GAB2: variants seen among roughly 807,000 people sequenced by gnomAD.
The protein encoded by GAB2 is GRB2 associated binding protein 2, also known as GRB2-associated-binding protein 2.
A neutral mutation model predicts 65.5 loss-of-function variants in GAB2; 26 were observed. The ratio of observed to expected loss-of-function variants is 0.40; its 90% CI spans 0.29 to 0.55. The LOEUF is 0.55. Ranked by LOEUF, GAB2 falls within the 20% of genes least tolerant of loss-of-function variation. The pLI, the probability that GAB2 is intolerant of heterozygous loss-of-function variation, is 0.53. For synonymous variants in GAB2, 321 were observed against 329.6 expected (o/e 0.97, Z 0.28); for missense variants, 884 against 875.8 (o/e 1.01, Z -0.12).
chr11:78,311,983 G>C (rs1457822758), intron 1 of GAB2, among the ~76,000 whole-genome samples: 1 of 152,128 alleles, frequency 6.6e-6, no homozygotes, highest in Non-Finnish European at 1.5e-5. Context: ...GCTGGCTGTA[G>C]TGATAGACAT....
chr11:78,290,365 T>C (rs1194356911), intron 1 of GAB2, among the ~76,000 whole-genome samples: 1 of 152,188 alleles, frequency 6.6e-6, no homozygotes, highest in Admixed American at 6.5e-5. Flanking sequence ...TTTCCTTCTG[T>C]CAGAAAACAA....
intron 1 of GAB2, among the ~76,000 whole-genome samples, chr11:78,386,352 A>T (rs1194191886): frequency 1.3e-5 from 2 of 152,168 alleles, no homozygotes; most frequent in Non-Finnish European, 2.9e-5. Context: ...ACAAGGACAG[A>T]CCTAGGGACC....
intron 1 of GAB2, among the ~76,000 whole-genome samples, chr11:78,386,545 G>A (rs957104385): frequency 1.2e-4 from 18 of 152,176 alleles, no homozygotes; most frequent in Non-Finnish European, 5.9e-5. Context: ...CTTTCAAACT[G>A]GTGCTACACT....
intron 1 of GAB2, among the ~76,000 whole-genome samples, chr11:78,334,630 C>T (rs1024094251): frequency 5.3e-5 from 8 of 152,232 alleles, no homozygotes. Flanking sequence ...ATAAGTACCA[C>T]ATTTTCTTTA....
chr11:78,242,484 AGAGC>A, intron 3 of GAB2, among the ~76,000 whole-genome samples: 1 of 151,966 alleles, frequency 6.6e-6, no homozygotes, highest in South Asian at 2.1e-4. Flanking sequence ...CCTGGGCGAC[AGAGC>A]GAGACTCCGT....
rs566264839 is a variant in GAB2, at chr11:78,235,131, T to C, written c.621-8080A>G. Among the ~76,000 whole-genome samples, 5 of 152,216 alleles carry C rather than the reference T, an allele frequency of 3.3e-5. No individual in the cohort carries two copies. In the South Asian group the frequency reaches 1.0e-3, roughly 32 times the overall value. ...ACTTATGCAAATTTCTACAGCCGGTTTGATTTTCTCCCCAGAAAATGGGTT... is the reference window on the plus strand; with the variant it reads ...ACTTATGCAAATTTCTACAGCCGGTCTGATTTTCTCCCCAGAAAATGGGTT... On this transcript the variant is annotated intron_variant, in intron 3 of 9. Coordinates refer to ENST00000361507, the MANE Select transcript of GAB2 (RefSeq NM_080491.3).
rs1864191566 is a variant in GAB2 at position 78,217,206 on chromosome 11, CTCTG to C, written c.*2062_*2065del. On this transcript the variant is annotated 3_prime_UTR_variant, in exon 10 of 10. Coordinates refer to ENST00000361507, the MANE Select transcript of GAB2 (RefSeq NM_080491.3). ...TCTGCCCTCCATCAGCATTTGAAGT[CTCTG>C]TCTGATGGCCATCACCACTGTCTCA... is the stretch of plus-strand genomic sequence containing the variant. The C allele has an allele frequency of 5.2e-5, 8 of 152,422 alleles. No individual in the cohort carries two copies. Among genetic ancestry groups the C allele is most frequent in the Admixed American group, 5.2e-4 (8 of 15,288 alleles). 9.4% of individuals were successfully genotyped at this position (152,422 alleles called of 1,614,324 possible).
intron 1 of GAB2, among the ~76,000 whole-genome samples, chr11:78,328,192 T>C (rs1328050534): frequency 6.6e-6 from 1 of 152,210 alleles, no homozygotes; most frequent in African/African-American, 2.4e-5. Flanking sequence ...GTCCACATTG[T>C]TTGATAAAAT....
At chr11:78,334,311 G>A (rs1855963515) in intron 1 of GAB2, among the ~76,000 whole-genome samples, 2 of 151,998 alleles carry the variant, frequency 1.3e-5, no homozygotes, top group African/African-American at 4.8e-5. Context: ...ATTGACTATA[G>A]TTACCCTGTT....
intron 1 of GAB2, among the ~76,000 whole-genome samples, chr11:78,368,075 C>T (rs943100797): frequency 1.3e-5 from 2 of 152,126 alleles, no homozygotes; most frequent in African/African-American, 4.8e-5. Context: ...CTCGGCCTCC[C>T]AAAGTGCTGG....
intron 1 of GAB2, among the ~76,000 whole-genome samples, chr11:78,291,340 C>G (rs1278481781): frequency 6.7e-6 from 1 of 149,568 alleles, no homozygotes; most frequent in African/African-American, 2.5e-5. Flanking sequence ...GTGGCGAGCA[C>G]CTGTAGTCCC....
intron 3 of GAB2, among the ~76,000 whole-genome samples, chr11:78,238,908 A>T (rs1405670827): frequency 6.6e-6 from 1 of 152,220 alleles, no homozygotes; most frequent in Non-Finnish European, 1.5e-5. Flanking sequence ...AAACTCCAAC[A>T]GCTCAACAAC....
intron 2 of GAB2, among the ~76,000 whole-genome samples, chr11:78,271,440 C>A (rs909223979): frequency 6.6e-6 from 1 of 152,228 alleles, no homozygotes; most frequent in African/African-American, 2.4e-5. Context: ...CCTTTTGGAA[C>A]GAGTTCTCTC....
intron 1 of GAB2, among the ~76,000 whole-genome samples, chr11:78,363,586 CT>C (rs772252348): frequency 3.4e-3 from 464 of 135,330 alleles, no homozygotes; most frequent in Middle Eastern, 4.0e-3. Flanking sequence ...AATATATTTT[CT>C]TTTTTTTTTT....
At chr11:78,290,090 C>T (rs963748781) in intron 1 of GAB2, among the ~76,000 whole-genome samples, 2 of 151,478 alleles carry the variant, frequency 1.3e-5, no homozygotes, top group East Asian at 1.9e-4. Flanking sequence ...TGGCAAAGTG[C>T]GGGAGACAAA....
At chr11:78,390,902 T>C (rs1222669919) in intron 1 of GAB2, among the ~76,000 whole-genome samples, 2 of 152,166 alleles carry the variant, frequency 1.3e-5, no homozygotes, top group African/African-American at 4.8e-5. Flanking sequence ...TTGATGAGGA[T>C]CTGGAGATCA....
chr11:78,311,472 G>T (rs1423485700), intron 1 of GAB2, among the ~76,000 whole-genome samples: 2 of 151,964 alleles, frequency 1.3e-5, no homozygotes, highest in African/African-American at 2.4e-5. Context: ...AGAAAAGGAA[G>T]AATTTTTATT....
chr11:78,356,450 T>A (rs1048463045), intron 1 of GAB2, among the ~76,000 whole-genome samples: 2 of 152,208 alleles, frequency 1.3e-5, no homozygotes, highest in African/African-American at 4.8e-5. Context: ...ACCTCAAGAA[T>A]CAAAACATGC....
intron 1 of GAB2, among the ~76,000 whole-genome samples, chr11:78,330,026 T>C (rs1341826382): frequency 6.6e-6 from 1 of 152,218 alleles, no homozygotes; most frequent in Non-Finnish European, 1.5e-5. Context: ...AAAAAGGATA[T>C]AGACGTTTGA....
Sources: allele counts gnomAD v4.1 joint callset (sites outside exome capture counted in the v4.1 genomes callset), GRCh38; gene constraint gnomAD v4.1.1; transcripts MANE v1.5; gene names NCBI Gene and HGNC (gene_info 2026-07-23, HGNC 2026-07-21).